FRAS1: variants seen among roughly 807,000 people sequenced by gnomAD.
FRAS1 encodes the protein Fraser extracellular matrix complex subunit 1.
A neutral mutation model predicts 435.2 loss-of-function variants in FRAS1; 290 were observed. That is an observed-to-expected ratio of 0.67 (90% CI 0.61 to 0.73). FRAS1 has a LOEUF of 0.73. Among genes scored for constraint, FRAS1 ranks in the 30% least tolerant of loss-of-function variants. The pLI, the probability that FRAS1 is intolerant of heterozygous loss-of-function variation, is 0.00. For synonymous variants in FRAS1, 1,800 were observed against 1,851.0 expected, an observed-to-expected ratio of 0.97 and a Z score of 0.71; for missense variants, 4,860 against 5,001.5, an observed-to-expected ratio of 0.97 and a Z score of 0.85.
At chr4:78,245,475 G>T (rs568747843) in intron 4 of FRAS1, 150 bp downstream of exon 4, 1 of 614,284 alleles carries the variant, frequency 1.6e-6, no homozygotes, top group African/African-American at 1.9e-5. Context: ...GAGCATTTAG[G>T]TTTCTTGTAT....
chr4:78,181,519 T>C, intron 2 of FRAS1: 1 of 1,611,612 alleles, frequency 6.2e-7, no homozygotes, highest in Non-Finnish European at 8.5e-7. Flanking sequence ...CCATTCCACG[T>C]CCACGGCCCC....
intron 47 of FRAS1, among the ~76,000 whole-genome samples, chr4:78,460,914 T>C (rs1373454112): frequency 6.6e-6 from 1 of 152,224 alleles, no homozygotes; most frequent in East Asian, 1.9e-4. Flanking sequence ...TAGGTATAGA[T>C]TATAGTGGAT....
chr4:78,440,974 G>T (rs913022846), intron 40 of FRAS1, among the ~76,000 whole-genome samples, 188 bp from the exon 41 acceptor site: 21 of 152,218 alleles, frequency 1.4e-4, no homozygotes, highest in African/African-American at 5.1e-4. Context: ...GTAGCTTTGA[G>T]AGGCACTGAA....
chr4:78,088,236 T>C (rs1345982628), intron 2 of FRAS1, among the ~76,000 whole-genome samples: 1 of 152,206 alleles, frequency 6.6e-6, no homozygotes, highest in Non-Finnish European at 1.5e-5. Context: ...TGTAGAAAGC[T>C]GAAACTGGAT....
intron 66 of FRAS1, among the ~76,000 whole-genome samples, chr4:78,517,971 G>C (rs534523926): frequency 6.6e-6 from 1 of 152,040 alleles, no homozygotes; most frequent in Non-Finnish European, 1.5e-5. Flanking sequence ...AAAAAGAGGG[G>C]CTGGGAACAG....
intron 26 of FRAS1, among the ~76,000 whole-genome samples, chr4:78,376,091 C>T (rs1731750017): frequency 6.6e-6 from 1 of 152,196 alleles, no homozygotes; most frequent in South Asian, 2.1e-4. Context: ...GGAAAAGAAG[C>T]AATCTGTGCC....
At position 78,264,999 on chromosome 4, in the gene FRAS1, G is replaced by T. The variant is rs758971948; in HGVS notation, c.604-26G>T. 67 of 1,403,386 alleles carry T rather than the reference G, an allele frequency of 4.8e-5. 1 individual carries two copies. In the South Asian group the frequency reaches 7.4e-4, roughly 15 times the overall value. 86.9% of individuals were successfully genotyped at this position (1,403,386 alleles called of 1,614,324 possible). On this transcript the variant is annotated intron_variant, in intron 6 of 73. Transcript: ENST00000512123. ...GATCTTATTAATATCACTTTGTGATGGATTGTTCCTGTTCTGCGTGTTAAG... is the reference window on the plus strand; with the variant it reads ...GATCTTATTAATATCACTTTGTGATTGATTGTTCCTGTTCTGCGTGTTAAG...
chr4:78,139,333 G>A (rs1161594934), intron 2 of FRAS1, among the ~76,000 whole-genome samples: 1 of 152,102 alleles, frequency 6.6e-6, no homozygotes, highest in East Asian at 1.9e-4. Context: ...TATTGATTGA[G>A]CAGGGAAAAT....
rs1413847678 is a variant in FRAS1, at chr4:78,086,344, T to C, written c.108+20328T>C. ...AGCAGGAAAGATCCAAAATTGACAC[T>C]CTAACATCACAATTAAAGGAACTAG... On this transcript the variant is annotated intron_variant, in intron 2 of 73. Transcript: ENST00000512123. Among the ~76,000 whole-genome samples, 8 of 151,922 alleles carry C rather than the reference T, an allele frequency of 5.3e-5. No individual in the cohort carries two copies. The East Asian group carries it at 1.2e-3, about 22-fold the overall frequency.
intron 19 of FRAS1, among the ~76,000 whole-genome samples, chr4:78,336,199 TCTAA>T (rs764994502): frequency 2.0e-5 from 3 of 152,180 alleles, no homozygotes. Context: ...TTTGCCTTTT[TCTAA>T]CTGTCTTTTT....
intron 60 of FRAS1, among the ~76,000 whole-genome samples, chr4:78,499,148 C>T (rs1362388417): frequency 6.6e-6 from 1 of 152,174 alleles, no homozygotes; most frequent in Non-Finnish European, 1.5e-5. Flanking sequence ...TCACTGAAAG[C>T]ACCCATACTT....
At chr4:78,210,931 C>T (rs554673277) in intron 2 of FRAS1, among the ~76,000 whole-genome samples, 7 of 152,202 alleles carry the variant, frequency 4.6e-5, no homozygotes, top group Non-Finnish European at 7.4e-5. Flanking sequence ...ACCCCATGTC[C>T]GCACCCACCA....
At chr4:78,366,158 A>C (rs1731259798) in intron 22 of FRAS1, among the ~76,000 whole-genome samples, 1 of 152,190 alleles carries the variant, frequency 6.6e-6, no homozygotes, top group African/African-American at 2.4e-5. Context: ...AGTTATAGGA[A>C]TCTTTCGAGA....
At chr4:78,201,243 A>T (rs1257796734) in intron 2 of FRAS1, among the ~76,000 whole-genome samples, 1 of 152,216 alleles carries the variant, frequency 6.6e-6, no homozygotes, top group Non-Finnish European at 1.5e-5. Flanking sequence ...TGTTACTTTG[A>T]TGAAATGCTT....
chr4:78,123,212 A>G lies in FRAS1; in HGVS notation c.108+57196A>G, dbSNP rs1226345128. ...CTGCATGTGGCTAGCCAGTTTTCCC[A>G]GCACCATGTATTAAATAGGGAATCT... is the stretch of plus-strand genomic sequence containing the variant. On this transcript the variant is annotated intron_variant, in intron 2 of 73. Transcript: ENST00000512123. Among the ~76,000 whole-genome samples, 3 of 152,200 alleles carry G rather than the reference A, an allele frequency of 2.0e-5. No individual in the cohort carries two copies. In the East Asian group the frequency reaches 5.8e-4, roughly 29 times the overall value.
chr4:78,279,502 C>T (rs1226799944), intron 10 of FRAS1, among the ~76,000 whole-genome samples: 3 of 151,194 alleles, frequency 2.0e-5, no homozygotes, highest in Non-Finnish European at 2.9e-5. Context: ...TGGCAAAGGG[C>T]AATGGTGGCT....
At chr4:78,489,138 TA>T (rs1349282048) in intron 59 of FRAS1, 58 bp downstream of exon 59, 5 of 1,496,998 alleles carry the variant, frequency 3.3e-6, no homozygotes, top group Non-Finnish European at 4.5e-6. Flanking sequence ...TATTTGTCTG[TA>T]ATGAAGTCAT....
chr4:78,386,198 G>A (rs911912334), intron 28 of FRAS1, among the ~76,000 whole-genome samples: 4 of 152,084 alleles, frequency 2.6e-5, no homozygotes, highest in African/African-American at 9.7e-5. Context: ...ATCATTTTAA[G>A]TCTTTAAAAT....
At chr4:78,260,102 G>A (rs1405263816) in intron 6 of FRAS1, among the ~76,000 whole-genome samples, 5 of 151,906 alleles carry the variant, frequency 3.3e-5, no homozygotes, top group South Asian at 2.1e-4. Flanking sequence ...TTTGGTTACT[G>A]TAGCCTTGTA....
Sources: gnomAD v4.1 joint callset for allele counts (sites outside exome capture counted in the v4.1 genomes callset) on GRCh38, gnomAD v4.1.1 for gene constraint, MANE v1.5 for transcripts, NCBI Gene and HGNC (gene_info 2026-07-23, HGNC 2026-07-21) for gene names.